Variants in ERN2 observed in about 807,000 individuals in gnomAD.
ERN2 encodes the protein endoplasmic reticulum to nucleus signaling 2.
Under a neutral mutation model 107.9 loss-of-function variants are expected in ERN2, and 111 were observed. That is an observed-to-expected ratio of 1.03 (90% CI 0.88 to 1.20). The LOEUF (loss-of-function observed/expected upper bound fraction) is 1.20, where lower values mean the gene tolerates loss of function less well. ERN2 is among the 50% of genes most tolerant of loss of function. The pLI, the probability that ERN2 is intolerant of heterozygous loss-of-function variation, is 0.00. For synonymous variants in ERN2, 524 were observed against 501.7 expected, an observed-to-expected ratio of 1.04 and a Z score of -0.59; for missense variants, 1,225 against 1,197.9, an observed-to-expected ratio of 1.02 and a Z score of -0.33.
chr16:23,692,439 G>T (rs74012332), intron 17 of ERN2, 108 bp from the exon 18 acceptor site: 68,751 of 1,186,272 alleles, frequency 0.058, 2,859 homozygotes, highest in African/African-American at 0.18. Flanking sequence ...GGCTCAGACT[G>T]GAACTCAAGA....
chr16:23,690,755 T>C lies in ERN2; in HGVS notation c.*76A>G, dbSNP rs1959550353. 1.5e-6 allele frequency: 2 copies of C among 1,324,766 alleles called. No homozygotes were observed. The highest frequency in any genetic ancestry group is 3.8e-5 in the Admixed American group (2 of 52,878). 82.1% of individuals were successfully genotyped at this position (1,324,766 alleles called of 1,614,324 possible). ...CAGGTGTGAGCCACTGCACCCAGCCTGATTCTGAGGCCAGCCACAGGCTCA... is the reference window on the plus strand; with the variant it reads ...CAGGTGTGAGCCACTGCACCCAGCCCGATTCTGAGGCCAGCCACAGGCTCA... On this transcript the variant is annotated 3_prime_UTR_variant, in exon 22 of 22. Transcript: ENST00000256797.
chr16:23,701,992 C>A (rs8058421), intron 11 of ERN2, among the ~76,000 whole-genome samples, 160 bp downstream of exon 11: 6,810 of 150,144 alleles, frequency 0.045, 763 homozygotes, highest in African/African-American at 0.16. Flanking sequence ...ACAACAACAA[C>A]AAGTTGTGTT....
intron 19 of ERN2, among the ~76,000 whole-genome samples, chr16:23,691,663 T>G (rs2141003577): frequency 6.6e-6 from 1 of 152,344 alleles, no homozygotes; most frequent in South Asian, 2.1e-4. Context: ...CTTGCTCAAG[T>G]TCACTCAAGT....
intron 13 of ERN2, among the ~76,000 whole-genome samples, chr16:23,700,149 C>T (rs1008551650): frequency 6.6e-6 from 1 of 152,018 alleles, no homozygotes; most frequent in African/African-American, 2.4e-5. Flanking sequence ...GGTAACATAG[C>T]GAGACCCAAT....
At chr16:23,705,931 G>C (rs1422452599) in intron 7 of ERN2, among the ~76,000 whole-genome samples, 2 of 152,192 alleles carry the variant, frequency 1.3e-5, no homozygotes, top group African/African-American at 4.8e-5. Flanking sequence ...ATGGTGGGGA[G>C]TGGTCGGGGT....
intron 4 of ERN2, chr16:23,709,253 G>A (rs762522285): frequency 7.4e-5 from 33 of 447,856 alleles, no homozygotes; most frequent in South Asian, 3.1e-4. Context: ...CCTTGTGATC[G>A]TACCACTGCA....
intron 8 of ERN2, among the ~76,000 whole-genome samples, chr16:23,704,611 A>G (rs942792374): frequency 6.6e-6 from 1 of 152,198 alleles, no homozygotes; most frequent in Non-Finnish European, 1.5e-5. Flanking sequence ...TATCAGCAGC[A>G]TGAAACAGAC....
chr16:23,690,961 T>C lies in ERN2; in HGVS notation c.2651A>G (p.Asn884Ser). 1 of 1,613,952 alleles carries C rather than the reference T, an allele frequency of 6.2e-7. No individual in the cohort carries two copies. The highest frequency in any genetic ancestry group is 1.3e-5 in the African/African-American group (1 of 74,978). Residue 884 changes from asparagine to serine, a missense_variant, in exon 22 of 22, where the codon AAC becomes AGC. By Grantham distance (46) the Asn-to-Ser change is conservative. Coordinates refer to ENST00000256797, the MANE Select transcript of ERN2 (RefSeq NM_033266.4). ...VPDGFVQYFTNRFPRLLLHTH... is the reference protein window; with the variant it reads ...VPDGFVQYFTSRFPRLLLHTH... The stretch of plus-strand genomic sequence containing the variant: ...GTGGAGGAGCAGCCGTGGGAAGCGG[T>C]TTGTGAAGTACTGGACGAAGCCATC...
intron 4 of ERN2, chr16:23,709,795 C>G (rs1960467541): frequency 5.0e-6 from 1 of 198,708 alleles, no homozygotes; most frequent in Middle Eastern, 2.2e-3. Context: ...TGAGCCCAAC[C>G]TAAATTGTCA....
rs374580405 is a variant in ERN2, at chr16:23,702,600, G to A, written c.933+24C>T. 3.7e-6 allele frequency: 6 copies of A among 1,613,908 alleles called. 1 individual carries two copies. Among genetic ancestry groups the A allele is most frequent in the Admixed American group, 1.7e-5 (1 of 59,990 alleles). On this transcript the variant is annotated intron_variant, in intron 9 of 21. Transcript: ENST00000256797. The stretch of plus-strand genomic sequence containing the variant: ...TCTTCTCCCGTTCATCCTCTTTCCA[G>A]CCCACTCAGAGACCACTTCTTACCA...
intron 11 of ERN2, among the ~76,000 whole-genome samples, chr16:23,701,547 G>A (rs890063284): frequency 2.0e-5 from 3 of 151,768 alleles, no homozygotes; most frequent in Non-Finnish European, 4.4e-5. Flanking sequence ...TGCTTTTATA[G>A]TTTTTGTTTT....
In ERN2 at chr16:23,695,738, A is replaced by C. The variant is rs953346483; in HGVS notation, c.1610+156T>G. 1.5e-3 allele frequency among the ~76,000 whole-genome samples: 224 copies of C among 151,412 alleles called. 2 individuals are homozygous for C. The highest frequency in any genetic ancestry group is 4.9e-3 in the African/African-American group (203 of 41,314). On this transcript the variant is annotated intron_variant, in intron 14 of 21. Transcript: ENST00000256797. ...AGCAAGACTCAAAAAAAAAAAAAAA[A>C]AAAAAAAAACAGATAAAGGAAAGAG...
At chr16:23,696,072 C>T (rs1959815647) in intron 13 of ERN2, 94 bp from the exon 14 acceptor site, 2 of 874,946 alleles carry the variant, frequency 2.3e-6, no homozygotes, top group South Asian at 2.8e-5. Context: ...TTCTGGGCCT[C>T]CACCCTCCCA....
chr16:23,695,878 C>T lies in ERN2; in HGVS notation c.1610+16G>A, dbSNP rs781556313. ...TGAGTGCCATGTCCCCAGCTTGGCT[C>T]CTGGCTGCCACTCACCGGAAAACGA... On this transcript the variant is annotated intron_variant, in intron 14 of 21. Transcript: ENST00000256797. The T allele has an allele frequency of 1.9e-6, 3 of 1,610,032 alleles. No homozygotes were observed. Among genetic ancestry groups the T allele is most frequent in the African/African-American group, 1.3e-5 (1 of 74,964 alleles).
chr16:23,695,426 C>T (rs760397910), intron 14 of ERN2, 37 bp from the exon 15 acceptor site: 1 of 1,546,306 alleles, frequency 6.5e-7, no homozygotes, highest in Non-Finnish European at 8.7e-7. Context: ...GGGGGGCATT[C>T]AGGGAAAGCA....
intron 4 of ERN2, chr16:23,709,325 G>A (rs887367408): frequency 3.0e-6 from 1 of 338,752 alleles, no homozygotes; most frequent in Non-Finnish European, 5.9e-6. Flanking sequence ...TAAAAAAAAG[G>A]AATTCCGACA....
rs771625569 is a variant in ERN2, at chr16:23,695,190, T to A, written c.1800+10A>T. 64 of 1,613,776 alleles carry A rather than the reference T, an allele frequency of 4.0e-5. No individual in the cohort carries two copies. The highest frequency in any genetic ancestry group is 4.9e-5 in the Non-Finnish European group (58 of 1,179,866). ...CCCACTCACCCTCCCTGAACCGCAA[T>A]GCAACTCACCTCCTGCAAGGAGGCC... On this transcript the variant is annotated intron_variant, in intron 15 of 21. Coordinates refer to ENST00000256797, the MANE Select transcript of ERN2 (RefSeq NM_033266.4).
intron 1 of ERN2, chr16:23,712,094 C>G (rs1960569855): frequency 2.2e-6 from 1 of 447,178 alleles, no homozygotes; most frequent in Non-Finnish European, 4.5e-6. Context: ...AAGGCCACAT[C>G]CTGCTTCAGG....
At position 23,691,308 on chromosome 16, in the gene ERN2, G is replaced by C. The variant is rs1959584952; in HGVS notation, c.2494C>G (p.Gln832Glu). 2 of 1,610,566 alleles carry C rather than the reference G, an allele frequency of 1.2e-6. No individual in the cohort carries two copies. The highest frequency in any genetic ancestry group is 1.7e-6 in the Non-Finnish European group (2 of 1,179,626). Residue 832 changes from glutamine (Q) to glutamate (E), a missense_variant, in exon 20 of 22, where the codon CAG becomes GAG. By Grantham distance (29) the Gln-to-Glu change is conservative (BLOSUM62 2). Transcript: ENST00000256797. ...ACCTGAGTATGGCCTCTACCTGTCTGCAGCGGCATGGAGATGTGCTCGTGC... is the reference window on the plus strand; with the variant it reads ...ACCTGAGTATGGCCTCTACCTGTCTCCAGCGGCATGGAGATGTGCTCGTGC... ...NWHEHISMPLQTDLRKFRSYK... is the reference protein window; with the variant it reads ...NWHEHISMPLETDLRKFRSYK...
Sources: gnomAD v4.1 joint callset for allele counts (sites outside exome capture counted in the v4.1 genomes callset) on GRCh38, gnomAD v4.1.1 for gene constraint, MANE v1.5 for transcripts, NCBI Gene and HGNC (gene_info 2026-07-23, HGNC 2026-07-21) for gene names.